The following TBC1D5 variants were observed in gnomAD, a reference collection of about 807,000 sequenced individuals.
TBC1D5 encodes TBC1 domain family member 5.
Under a neutral mutation model 100.3 loss-of-function variants are expected in TBC1D5, and 75 were observed. The observed-to-expected ratio is 0.75, with a 90% CI of 0.62 to 0.91. TBC1D5 has a LOEUF of 0.91. Ranked by LOEUF, TBC1D5 falls within the 40% of genes least tolerant of loss-of-function variation. The probability of loss-of-function intolerance (pLI) is 0.00; values close to 1 mark genes in which losing one functional copy is unlikely to be tolerated. For synonymous variants in TBC1D5, 323 were observed against 325.6 expected (o/e 0.99, Z 0.09); for missense variants, 910 against 942.4 (o/e 0.97, Z 0.45).
intron 13 of TBC1D5, among the ~76,000 whole-genome samples, chr3:17,312,082 C>T (rs759595567): frequency 4.6e-5 from 7 of 151,964 alleles, no homozygotes; most frequent in Non-Finnish European, 8.8e-5. Flanking sequence ...TATTGGGTTT[C>T]TTTGTATTCA....
intron 15 of TBC1D5, among the ~76,000 whole-genome samples, chr3:17,266,435 T>C (rs541779564): frequency 6.6e-6 from 1 of 152,274 alleles, no homozygotes; most frequent in Admixed American, 6.5e-5. Context: ...TTTCTTCTTA[T>C]ATTACTTGTG....
chr3:17,705,360 T>A (rs1577656809), intron 1 of TBC1D5, among the ~76,000 whole-genome samples: 3 of 94,260 alleles, frequency 3.2e-5, no homozygotes, highest in Admixed American at 1.1e-4. Context: ...CCCCCCCACC[T>A]CCCTCCCGGA....
intron 1 of TBC1D5, among the ~76,000 whole-genome samples, chr3:17,690,202 A>ATTTTTT (rs1330856968): frequency 1.6e-5 from 1 of 61,042 alleles, no homozygotes; most frequent in African/African-American, 5.7e-5. Context: ...AAAAATAGCC[A>ATTTTTT]TATTTTTTTT....
intron 17 of TBC1D5, among the ~76,000 whole-genome samples, chr3:17,215,563 G>A (rs931846828): frequency 1.1e-4 from 16 of 152,248 alleles, no homozygotes; most frequent in African/African-American, 3.6e-4. Context: ...TAAGCAGTGG[G>A]AAATGAGTCT....
At chr3:17,429,822 A>C (rs73161427) in intron 3 of TBC1D5, among the ~76,000 whole-genome samples, 3,069 of 151,930 alleles carry the variant, frequency 0.02, 105 homozygotes, top group African/African-American at 0.069. Context: ...ATTTGGTGAG[A>C]TATGTGCAGC....
At chr3:17,602,236 T>C (rs986226674) in intron 2 of TBC1D5, among the ~76,000 whole-genome samples, 1 of 152,160 alleles carries the variant, frequency 6.6e-6, no homozygotes, top group Non-Finnish European at 1.5e-5. Context: ...TCAAAACCCA[T>C]GTGGTGAATT....
intron 2 of TBC1D5, chr3:17,546,955 C>T (rs1031097277): frequency 6.6e-6 from 1 of 152,122 alleles, no homozygotes; most frequent in Non-Finnish European, 1.5e-5. Context: ...TTGGTTAGGT[C>T]CCAGAGAGAA....
chr3:17,464,867 T>TAA (rs149835708), intron 3 of TBC1D5, among the ~76,000 whole-genome samples: 14 of 150,256 alleles, frequency 9.3e-5, no homozygotes, highest in African/African-American at 3.2e-4. Flanking sequence ...TTTTTCAAGA[T>TAA]AAAAAAAAAC....
intron 3 of TBC1D5, among the ~76,000 whole-genome samples, chr3:17,490,738 C>T (rs1008638032): frequency 5.9e-5 from 9 of 152,022 alleles, no homozygotes; most frequent in African/African-American, 1.5e-4. Flanking sequence ...AGTTTGAAGT[C>T]GGGTAGCATG....
chr3:17,283,892 C>T (rs1298630241), intron 15 of TBC1D5, among the ~76,000 whole-genome samples: 2 of 152,122 alleles, frequency 1.3e-5, no homozygotes, highest in African/African-American at 4.8e-5. Context: ...CACCAATAGC[C>T]TAAGCTCTTT....
intron 8 of TBC1D5, among the ~76,000 whole-genome samples, chr3:17,398,757 G>C: frequency 6.6e-6 from 1 of 151,448 alleles, no homozygotes. Flanking sequence ...TTTTTTTCCT[G>C]TTTTCTCTGT....
chr3:17,543,442 G>C (rs2096379492), intron 2 of TBC1D5, among the ~76,000 whole-genome samples: 1 of 152,052 alleles, frequency 6.6e-6, no homozygotes, highest in Admixed American at 6.5e-5. Flanking sequence ...AAACCAGCCT[G>C]GGTAACATGG....
chr3:17,392,379 A>G (rs529925906), intron 8 of TBC1D5, among the ~76,000 whole-genome samples: 6 of 151,944 alleles, frequency 3.9e-5, no homozygotes, highest in African/African-American at 1.2e-4. Flanking sequence ...TTAAAAAAAA[A>G]TTATACTTTT....
At chr3:17,264,344 C>T (rs2078641711) in intron 15 of TBC1D5, among the ~76,000 whole-genome samples, 1 of 152,122 alleles carries the variant, frequency 6.6e-6, no homozygotes, top group African/African-American at 2.4e-5. Flanking sequence ...CTGTTCTTTA[C>T]TCCAAGGTGG....
At chr3:17,567,809 T>C (rs2153495028) in intron 2 of TBC1D5, among the ~76,000 whole-genome samples, 1 of 151,816 alleles carries the variant, frequency 6.6e-6, no homozygotes, top group African/African-American at 2.4e-5. Flanking sequence ...TCTTCAGTCT[T>C]TGATGCTTTC....
intron 16 of TBC1D5, among the ~76,000 whole-genome samples, chr3:17,242,041 G>A (rs1389329215): frequency 1.3e-5 from 2 of 152,212 alleles, no homozygotes; most frequent in Non-Finnish European, 1.5e-5. Context: ...TCCAGGCTAC[G>A]CTGTGAATGA....
At chr3:17,170,062 C>T (rs927171874) in intron 19 of TBC1D5, among the ~76,000 whole-genome samples, 3 of 152,186 alleles carry the variant, frequency 2.0e-5, no homozygotes, top group Non-Finnish European at 2.9e-5. Context: ...CTGTGCAGCC[C>T]GGTTCCTAAC....
At chr3:17,409,445 C>A (rs776096030) in intron 4 of TBC1D5, among the ~76,000 whole-genome samples, 1 of 151,998 alleles carries the variant, frequency 6.6e-6, no homozygotes, top group Non-Finnish European at 1.5e-5. Flanking sequence ...TCGTACTGTT[C>A]GAGTGAAAAG....
intron 2 of TBC1D5, among the ~76,000 whole-genome samples, chr3:17,602,573 T>C (rs951313258): frequency 7.5e-6 from 1 of 132,564 alleles, no homozygotes; most frequent in Non-Finnish European, 1.7e-5. Context: ...TTTTTTTTTT[T>C]TTTTTTTTTT....
Sources: allele counts gnomAD v4.1 joint callset (sites outside exome capture counted in the v4.1 genomes callset), GRCh38; gene constraint gnomAD v4.1.1; transcripts MANE v1.5; gene names NCBI Gene and HGNC (gene_info 2026-07-23, HGNC 2026-07-21).